The following WNK2 variants were observed in gnomAD, a reference collection of about 807,000 sequenced individuals.
WNK2 encodes the protein WNK lysine deficient protein kinase 2.
In WNK2, 67 loss-of-function variants were observed where a neutral mutation model predicts 192.1. The observed-to-expected ratio is 0.35, with a 90% CI of 0.29 to 0.43. The LOEUF is 0.43. Ranked by LOEUF, WNK2 falls within the 20% of genes least tolerant of loss-of-function variation. The pLI is 1.00. For missense variants in WNK2, 2,698 were observed against 3,089.7 expected (o/e 0.87, Z 3.01); for synonymous variants, 1,439 against 1,393.9 (o/e 1.03, Z -0.72).
rs372278307 is a variant in WNK2, at chr9:93,263,579, G to C, written c.3424G>C (p.Asp1142His). Residue 1142 changes from aspartate (D) to histidine (H), a missense_variant, in exon 15 of 30, where the codon GAT (aspartate) becomes CAT (histidine). Physicochemically the swap from Asp to His is moderately conservative, Grantham distance 81. Around this residue, in one of 7 missense-constraint regions of WNK2, gnomAD observed 893 missense variants for 909.0 expected, o/e 0.98. Transcript: ENST00000427277. ...GGTTTTGCTCAGCTATGGAGGTTCT[G>C]ATGTCACTTCTGGAAAAGAGCTGAG... ...PQSCESYGGS[D>H]VTSGKELSDS... 6.2e-7 allele frequency: 1 copy of C among 1,611,676 alleles called. No homozygotes were observed. Among genetic ancestry groups the C allele is most frequent in the Non-Finnish European group, 8.5e-7 (1 of 1,179,366 alleles).
At chr9:93,316,840 C>T (rs1360479305) in intron 28 of WNK2, 5 of 152,918 alleles carry the variant, frequency 3.3e-5, no homozygotes, top group Non-Finnish European at 5.8e-5. Context: ...GCTGTCGGTT[C>T]CATAGAGGAC....
intron 28 of WNK2, among the ~76,000 whole-genome samples, chr9:93,311,128 C>G (rs1196933898): frequency 6.6e-6 from 1 of 152,198 alleles, no homozygotes; most frequent in Non-Finnish European, 1.5e-5. Flanking sequence ...TTTGACTCCT[C>G]TATGTACCTC....
intron 2 of WNK2, among the ~76,000 whole-genome samples, chr9:93,201,244 G>A (rs575919835): frequency 3.2e-4 from 49 of 152,248 alleles, no homozygotes; most frequent in East Asian, 2.3e-3. Flanking sequence ...CTTATCTGTC[G>A]CCATCTGTGG....
At chr9:93,246,161 C>T (rs141170917) in intron 7 of WNK2, among the ~76,000 whole-genome samples, 1 of 152,176 alleles carries the variant, frequency 6.6e-6, no homozygotes, top group African/African-American at 2.4e-5. Context: ...TGTTACTGTT[C>T]ATTTTGATGC....
At chr9:93,319,272 T>C in intron 29 of WNK2, 1 of 1,516,452 alleles carries the variant, frequency 6.6e-7, no homozygotes, top group Non-Finnish European at 8.9e-7. Flanking sequence ...ACCAGCCTCC[T>C]AGGGAGCACA....
At position 93,293,217 on chromosome 9, in the gene WNK2, T is replaced by C. The variant is rs1409141771; in HGVS notation, c.5708+44T>C. The C allele has an allele frequency of 4.3e-6, 6 of 1,401,438 alleles. No individual in the cohort carries two copies. The East Asian group carries it at 1.4e-4, about 32-fold the overall frequency. 86.8% of individuals were successfully genotyped at this position (1,401,438 alleles called of 1,614,324 possible). On this transcript the variant is annotated intron_variant, in intron 23 of 29. Coordinates refer to ENST00000427277, the MANE Select transcript of WNK2 (RefSeq NM_006648.4). ...AAGTGTTGCCCCCGCCCCTGGGCCATGGCACCCCTTCCCAGTTGTGAGGGA... is the reference window on the plus strand; with the variant it reads ...AAGTGTTGCCCCCGCCCCTGGGCCACGGCACCCCTTCCCAGTTGTGAGGGA...
intron 19 of WNK2, among the ~76,000 whole-genome samples, chr9:93,287,164 G>T (rs890239273): frequency 6.6e-6 from 1 of 152,116 alleles, no homozygotes; most frequent in African/African-American, 2.4e-5. Context: ...CATCTTAAAT[G>T]TTTTTTCCAT....
rs1249974355 is a variant in WNK2 at position 93,256,297 on chromosome 9, A to G, written c.2035-2A>G. ...TGAGTGTGGCCCTGGTGCTCTCTGC[A>G]GCCTGGCTTGCCGGTGGGCTCTGTC... is the stretch of plus-strand genomic sequence containing the variant. On this transcript the variant is annotated splice_acceptor_variant, in intron 9 of 29. Coordinates refer to ENST00000427277, the MANE Select transcript of WNK2 (RefSeq NM_006648.4). LOFTEE classifies it high-confidence loss of function. 1 of 1,554,144 alleles carries G rather than the reference A, an allele frequency of 6.4e-7. No individual in the cohort carries two copies. Among genetic ancestry groups the G allele is most frequent in the Non-Finnish European group, 8.6e-7 (1 of 1,156,976 alleles).
At chr9:93,266,876 C>T (rs573165890) in intron 16 of WNK2, 1 of 152,460 alleles carries the variant, frequency 6.6e-6, no homozygotes, top group Admixed American at 6.5e-5. Context: ...AGGTGTCTGC[C>T]TGGGAGGAGG....
chr9:93,206,002 T>C (rs949627153), intron 2 of WNK2, among the ~76,000 whole-genome samples: 3 of 152,064 alleles, frequency 2.0e-5, no homozygotes, highest in African/African-American at 4.8e-5. Flanking sequence ...TGTTGTTGAG[T>C]GCTGGCTGTA....
At chr9:93,204,225 G>A (rs1427017891) in intron 2 of WNK2, among the ~76,000 whole-genome samples, 2 of 152,202 alleles carry the variant, frequency 1.3e-5, no homozygotes, top group African/African-American at 2.4e-5. Flanking sequence ...CTTCACAGCT[G>A]TCTGTGAGGT....
intron 28 of WNK2, chr9:93,315,974 T>C (rs1032515933): frequency 3.9e-5 from 6 of 152,182 alleles, no homozygotes; most frequent in Non-Finnish European, 5.9e-5. Context: ...TCAAATGAAC[T>C]CTTGAGTATA....
At chr9:93,249,203 G>A in intron 8 of WNK2, among the ~76,000 whole-genome samples, 1 of 152,112 alleles carries the variant, frequency 6.6e-6, no homozygotes, top group East Asian at 1.9e-4. Context: ...CGTAATTGTG[G>A]GTTAAATAAT....
chr9:93,306,475 C>T (rs10761207), intron 26 of WNK2, among the ~76,000 whole-genome samples: 146,751 of 151,288 alleles, frequency 0.97, 71,183 homozygotes, highest in East Asian at 1. Context: ...TTTCTTTTTT[C>T]TTTTCTTTTT....
chr9:93,263,329 C>T (rs1352786566), intron 14 of WNK2: 4 of 580,848 alleles, frequency 6.9e-6, no homozygotes, highest in East Asian at 2.9e-5. Flanking sequence ...ATCAAGGTAA[C>T]GCAGCTAGTA....
intron 12 of WNK2, among the ~76,000 whole-genome samples, chr9:93,260,861 A>G (rs1432229788): frequency 1.3e-5 from 2 of 152,210 alleles, no homozygotes; most frequent in African/African-American, 4.8e-5. Flanking sequence ...CGAGGGCCAC[A>G]CCAGGGAGCA....
chr9:93,231,197 C>T, intron 4 of WNK2, 89 bp downstream of exon 4: 1 of 1,320,280 alleles, frequency 7.6e-7, no homozygotes, highest in South Asian at 1.3e-5. Flanking sequence ...TTGTTCAGAC[C>T]TGGTGCAGGA....
At chr9:93,227,901 T>C (rs1163431381) in intron 2 of WNK2, among the ~76,000 whole-genome samples, 1 of 152,370 alleles carries the variant, frequency 6.6e-6, no homozygotes, top group East Asian at 1.9e-4. Flanking sequence ...TGGAATATCT[T>C]ATTTCTAAAA....
intron 2 of WNK2, among the ~76,000 whole-genome samples, chr9:93,212,560 T>C (rs1166003455): frequency 6.6e-6 from 1 of 152,138 alleles, no homozygotes; most frequent in Non-Finnish European, 1.5e-5. Context: ...GGGCACATGA[T>C]GGGGAGGCAG....
Sources: allele counts gnomAD v4.1 joint callset (sites outside exome capture counted in the v4.1 genomes callset), GRCh38; gene constraint gnomAD v4.1.1; regional missense constraint gnomAD v4.1.1; transcripts MANE v1.5; gene names NCBI Gene and HGNC (gene_info 2026-07-23, HGNC 2026-07-21).